The following C8orf34 variants were observed in gnomAD, a reference collection of about 807,000 sequenced individuals.
The protein encoded by C8orf34 is uncharacterized protein C8orf34.
C8orf34 carries 65 observed loss-of-function variants against 68.3 expected under a neutral mutation model. The observed-to-expected ratio is 0.95, with a 90% CI of 0.78 to 1.17. C8orf34 has a LOEUF of 1.17. Ranked by LOEUF, C8orf34 falls within the 50% of genes most tolerant of loss-of-function variation. The pLI is 0.00. For missense variants in C8orf34, 664 were observed against 655.4 expected (o/e 1.01, Z -0.14); for synonymous variants, 244 against 241.2 (o/e 1.01, Z -0.11).
At chr8:68,382,174 T>C (rs930449131) in intron 1 of C8orf34, among the ~76,000 whole-genome samples, 4 of 152,228 alleles carry the variant, frequency 2.6e-5, no homozygotes, top group Admixed American at 6.5e-5. Flanking sequence ...GTTATAACCA[T>C]TGTAGTGGTG....
chr8:68,565,654 A>G (rs111437011), intron 7 of C8orf34, among the ~76,000 whole-genome samples: 1,906 of 152,268 alleles, frequency 0.013, 13 homozygotes, highest in Non-Finnish European at 0.02. Context: ...AACCTCAGTG[A>G]AAAGTAGTGA....
At chr8:68,406,605 C>T (rs759015422) in intron 1 of C8orf34, among the ~76,000 whole-genome samples, 7 of 152,154 alleles carry the variant, frequency 4.6e-5, no homozygotes, top group South Asian at 2.1e-4. Context: ...TAGTGATTCT[C>T]GGGCCCCAGC....
At chr8:68,796,124 G>C (rs1343922130) in intron 12 of C8orf34, among the ~76,000 whole-genome samples, 1 of 152,212 alleles carries the variant, frequency 6.6e-6, no homozygotes, top group Admixed American at 6.5e-5. Context: ...GGCTACTGCA[G>C]AGCTAGAGAG....
intron 7 of C8orf34, among the ~76,000 whole-genome samples, chr8:68,592,320 T>G (rs1034406279): frequency 1.3e-5 from 2 of 152,136 alleles, no homozygotes; most frequent in African/African-American, 4.8e-5. Context: ...TAACTTTTAA[T>G]GACTTCTTAC....
In C8orf34 at chr8:68,461,859, A is replaced by G. The variant is rs1051353473; in HGVS notation, c.608-6833A>G. Among the ~76,000 whole-genome samples, 336 of 152,284 alleles carry G rather than the reference A, an allele frequency of 2.2e-3. 1 individual carries two copies. The highest frequency in any genetic ancestry group is 7.1e-3 in the African/African-American group (295 of 41,550). On this transcript the variant is annotated intron_variant, in intron 3 of 13. Transcript: ENST00000518698. ...ATCATGCCAAATTGTAAAGACCATCAAGGCTAGGAAGAAACTGCATCAACT... is the reference window on the plus strand; with the variant it reads ...ATCATGCCAAATTGTAAAGACCATCGAGGCTAGGAAGAAACTGCATCAACT...
intron 10 of C8orf34, among the ~76,000 whole-genome samples, chr8:68,743,541 C>G (rs540683790): frequency 6.6e-6 from 1 of 152,140 alleles, no homozygotes; most frequent in Non-Finnish European, 1.5e-5. Context: ...GTGCGCAAGC[C>G]GAACCAGGGC....
At chr8:68,522,733 A>G (rs1379925075) in intron 6 of C8orf34, among the ~76,000 whole-genome samples, 1 of 152,154 alleles carries the variant, frequency 6.6e-6, no homozygotes, top group Non-Finnish European at 1.5e-5. Context: ...AAATTTCTGC[A>G]AAGTATCTGG....
chr8:68,764,633 G>A (rs566398645), intron 10 of C8orf34, among the ~76,000 whole-genome samples: 3 of 152,260 alleles, frequency 2.0e-5, no homozygotes, highest in South Asian at 4.1e-4. Context: ...AGGAATGTCT[G>A]GAAGAGGAAA....
chr8:68,410,829 AG>A (rs1296127955), intron 1 of C8orf34, among the ~76,000 whole-genome samples: 1 of 152,232 alleles, frequency 6.6e-6, no homozygotes, highest in East Asian at 1.9e-4. Flanking sequence ...AACTGCCAAC[AG>A]CACCCCTTCC....
chr8:68,752,153 C>A (rs558564270), intron 10 of C8orf34, among the ~76,000 whole-genome samples: 1 of 152,174 alleles, frequency 6.6e-6, no homozygotes, highest in South Asian at 2.1e-4. Context: ...AGAGAGGGAA[C>A]GTATCTCTGT....
intron 7 of C8orf34, among the ~76,000 whole-genome samples, chr8:68,624,096 C>G (rs771210462): frequency 6.6e-6 from 1 of 151,852 alleles, no homozygotes; most frequent in African/African-American, 2.4e-5. Flanking sequence ...CATGGTGAAA[C>G]CGGGTCTCTA....
chr8:68,635,503 G>A (rs947092362), intron 7 of C8orf34, among the ~76,000 whole-genome samples: 2 of 152,252 alleles, frequency 1.3e-5, no homozygotes, highest in South Asian at 4.1e-4. Context: ...GCCCCCAAAA[G>A]GTGATTGCTT....
At chr8:68,659,501 T>C (rs1231707367) in intron 8 of C8orf34, among the ~76,000 whole-genome samples, 2 of 152,208 alleles carry the variant, frequency 1.3e-5, no homozygotes, top group East Asian at 1.9e-4. Flanking sequence ...TTAAAGTACA[T>C]TTTACAGTGT....
intron 1 of C8orf34, among the ~76,000 whole-genome samples, chr8:68,434,821 C>T (rs950091964): frequency 5.3e-5 from 8 of 151,998 alleles, no homozygotes; most frequent in South Asian, 2.1e-4. Context: ...CCGAGGTAGG[C>T]GGATCACAAG....
chr8:68,619,591 G>A (rs1442237054), intron 7 of C8orf34, among the ~76,000 whole-genome samples: 1 of 152,114 alleles, frequency 6.6e-6, no homozygotes, highest in East Asian at 1.9e-4. Flanking sequence ...ATCACCTCCA[G>A]GAAGAAAAGG....
intron 5 of C8orf34, among the ~76,000 whole-genome samples, chr8:68,506,241 A>G (rs1291308930): frequency 1.3e-5 from 2 of 152,192 alleles, no homozygotes; most frequent in Non-Finnish European, 2.9e-5. Flanking sequence ...ATTTCTCTCT[A>G]AAGAGATTGT....
intron 10 of C8orf34, among the ~76,000 whole-genome samples, chr8:68,732,229 C>T (rs865787239): frequency 2.0e-5 from 3 of 152,116 alleles, no homozygotes; most frequent in Non-Finnish European, 4.4e-5. Context: ...GCATATTTAC[C>T]AGGAATCTCC....
intron 8 of C8orf34, among the ~76,000 whole-genome samples, chr8:68,646,128 T>C (rs921578289): frequency 2.8e-4 from 42 of 152,140 alleles, no homozygotes; most frequent in African/African-American, 1.0e-3. Context: ...TGTCTTTTGT[T>C]ATAGGAGTGT....
chr8:68,404,997 G>A (rs186618859), intron 1 of C8orf34, among the ~76,000 whole-genome samples: 18 of 152,272 alleles, frequency 1.2e-4, no homozygotes, highest in Admixed American at 9.2e-4. Context: ...TCCTATCCAT[G>A]AGCGTGTAAT....
Sources: allele counts gnomAD v4.1 joint callset (sites outside exome capture counted in the v4.1 genomes callset), GRCh38; gene constraint gnomAD v4.1.1; transcripts MANE v1.5; gene names NCBI Gene and HGNC (gene_info 2026-07-23, HGNC 2026-07-21).